Variants in SKIC3 observed in about 807,000 individuals in gnomAD.
The protein encoded by SKIC3 is SKI3 subunit of superkiller complex, also known as superkiller complex protein 3.
the SKIC3 span, chr5:95,529,062 A>C: frequency 1.2e-6 from 2 of 1,613,820 alleles, no homozygotes; most frequent in Non-Finnish European, 1.7e-6. Context: ...CTTCTGCCAG[A>C]TGATACCATC....
the SKIC3 span, among the ~76,000 whole-genome samples, chr5:95,500,214 C>T: frequency 3.3e-5 from 5 of 152,066 alleles, no homozygotes; most frequent in Admixed American, 3.3e-4. Context: ...CCAGGAATCA[C>T]AAGTTAGAAC....
the SKIC3 span, among the ~76,000 whole-genome samples, chr5:95,501,672 T>A: frequency 1.6e-3 from 237 of 152,054 alleles, no homozygotes; most frequent in African/African-American, 5.6e-3. Flanking sequence ...TGCCTTCACA[T>A]AGGAGAAGGG....
At chr5:95,476,601 T>G in the SKIC3 span, among the ~76,000 whole-genome samples, 1 of 152,184 alleles carries the variant, frequency 6.6e-6, no homozygotes, top group Non-Finnish European at 1.5e-5. Context: ...CAAAGGCATG[T>G]GTAAACATTC....
chr5:95,495,186 G>C, the SKIC3 span: 1 of 630,966 alleles, frequency 1.6e-6, no homozygotes, highest in Non-Finnish European at 2.7e-6. Flanking sequence ...TGTTTGAAAA[G>C]ACTAATAATC....
the SKIC3 span, chr5:95,525,377 G>C: frequency 3.7e-6 from 6 of 1,605,158 alleles, no homozygotes; most frequent in African/African-American, 2.7e-5. Flanking sequence ...ATGGTTCTAT[G>C]AGCAATTTAT....
the SKIC3 span, among the ~76,000 whole-genome samples, chr5:95,490,400 A>G: frequency 1.4e-5 from 2 of 147,460 alleles, no homozygotes; most frequent in Non-Finnish European, 3.0e-5. Context: ...TTTAATGAAT[A>G]TATATATATA....
chr5:95,488,842 A>T, the SKIC3 span, among the ~76,000 whole-genome samples: 1 of 152,194 alleles, frequency 6.6e-6, no homozygotes, highest in African/African-American at 2.4e-5. Context: ...GAGAGAAAGA[A>T]ATAAAGAATA....
At chr5:95,503,028 C>G in the SKIC3 span, 1 of 1,613,268 alleles carries the variant, frequency 6.2e-7, no homozygotes, top group Non-Finnish European at 8.5e-7. Context: ...TGAAAACAAA[C>G]AAAACAATAT....
the SKIC3 span, among the ~76,000 whole-genome samples, chr5:95,547,579 G>A: frequency 6.6e-6 from 1 of 151,922 alleles, no homozygotes; most frequent in African/African-American, 2.4e-5. Context: ...GCATCCCCAG[G>A]ACCTAGTATC....
chr5:95,488,359 A>G, the SKIC3 span, among the ~76,000 whole-genome samples: 3 of 152,234 alleles, frequency 2.0e-5, no homozygotes, highest in East Asian at 5.8e-4. Context: ...TACAATTCCA[A>G]AAGATGTTCT....
At chr5:95,491,104 A>G in the SKIC3 span, 2 of 1,596,514 alleles carry the variant, frequency 1.3e-6, no homozygotes, top group South Asian at 2.3e-5. Flanking sequence ...ACTATCAAAA[A>G]TGAGATTAAG....
the SKIC3 span, chr5:95,523,777 T>G: frequency 6.2e-7 from 1 of 1,613,552 alleles, no homozygotes; most frequent in Non-Finnish European, 8.5e-7. Context: ...ACTACGTCTC[T>G]ATAATAATGA....
At chr5:95,494,938 T>C in the SKIC3 span, 1 of 1,612,342 alleles carries the variant, frequency 6.2e-7, no homozygotes, top group South Asian at 1.1e-5. Context: ...AAATTCAACA[T>C]TTCCTTTGTA....
the SKIC3 span, chr5:95,482,603 G>A: frequency 6.2e-7 from 1 of 1,613,986 alleles, no homozygotes; most frequent in Non-Finnish European, 8.5e-7. Flanking sequence ...TAAGATAACG[G>A]CTGGCTGATC....
the SKIC3 span, among the ~76,000 whole-genome samples, chr5:95,534,613 C>T: frequency 6.6e-6 from 1 of 152,158 alleles, no homozygotes; most frequent in Non-Finnish European, 1.5e-5. Context: ...AATCTCACTT[C>T]TGAAATGCTC....
At chr5:95,540,983 T>C in the SKIC3 span, among the ~76,000 whole-genome samples, 2 of 152,232 alleles carry the variant, frequency 1.3e-5, no homozygotes, top group African/African-American at 2.4e-5. Context: ...TTTATTTTTT[T>C]GAGACGGAGT....
chr5:95,507,132 A>G, the SKIC3 span: 2 of 837,862 alleles, frequency 2.4e-6, no homozygotes, highest in Non-Finnish European at 3.9e-6. Flanking sequence ...TGCTAGTTAC[A>G]ATAGCTTATT....
At chr5:95,541,473 C>T in the SKIC3 span, 1 of 1,177,716 alleles carries the variant, frequency 8.5e-7, no homozygotes, top group Non-Finnish European at 1.3e-6. Flanking sequence ...TTTAAGTATT[C>T]CAATAATAAT....
the SKIC3 span, among the ~76,000 whole-genome samples, chr5:95,501,631 T>G: frequency 2.0e-5 from 3 of 151,460 alleles, no homozygotes; most frequent in Non-Finnish European, 4.4e-5. Context: ...TAGGCTTGGA[T>G]CCAACAACAT....
Sources: allele counts gnomAD v4.1 joint callset (sites outside exome capture counted in the v4.1 genomes callset), GRCh38; gene constraint gnomAD v4.1.1; transcripts MANE v1.5; gene names NCBI Gene and HGNC (gene_info 2026-07-23, HGNC 2026-07-21).